The following TMTC1 variants were observed in gnomAD, a reference collection of about 807,000 sequenced individuals.
TMTC1 encodes the protein protein O-mannosyl-transferase TMTC1.
TMTC1 carries 73 observed loss-of-function variants against 104.8 expected under a neutral mutation model. The ratio of observed to expected loss-of-function variants is 0.70; its 90% CI spans 0.58 to 0.85. The LOEUF is 0.85. Among genes scored for constraint, TMTC1 ranks in the 40% least tolerant of loss-of-function variants. The pLI is 0.00. For missense variants in TMTC1, 1,035 were observed against 1,096.1 expected, an observed-to-expected ratio of 0.94 and a Z score of 0.79; for synonymous variants, 434 against 428.7, an observed-to-expected ratio of 1.01 and a Z score of -0.15.
rs1471030036 is a variant in TMTC1, at chr12:29,643,839, TTATATATTTA to T, written c.939-10513_939-10504del. Among the ~76,000 whole-genome samples, 637 of 76,626 alleles carry T rather than the reference TTATATATTTA, an allele frequency of 8.3e-3. 37 individuals carry two copies. The highest frequency in any genetic ancestry group is 0.024 in the African/African-American group (478 of 19,728). 50.3% of individuals were successfully genotyped at this position (76,626 alleles called of 152,430 possible). On this transcript the variant is annotated intron_variant, in intron 5 of 17. Transcript: ENST00000539277. ...TATATATTTATATATTTATATATAT[TTATATATTTA>T]TATATATTTATATATATTTTTATAT... is the stretch of plus-strand genomic sequence containing the variant.
At chr12:29,543,949 T>A in intron 10 of TMTC1, among the ~76,000 whole-genome samples, 1 of 152,056 alleles carries the variant, frequency 6.6e-6, no homozygotes. Context: ...AAAAGAATTT[T>A]AAAAAATATT....
chr12:29,553,469 C>T (rs1374202510), intron 10 of TMTC1, among the ~76,000 whole-genome samples: 3 of 152,062 alleles, frequency 2.0e-5, no homozygotes, highest in African/African-American at 7.2e-5. Context: ...GTGTAACAGG[C>T]AAGAGGAGGT....
intron 5 of TMTC1, among the ~76,000 whole-genome samples, chr12:29,659,191 T>C (rs190577261): frequency 2.0e-5 from 3 of 152,358 alleles, no homozygotes; most frequent in East Asian, 1.9e-4. Flanking sequence ...ACATTCACCA[T>C]ATGTATCAAT....
In TMTC1 at chr12:29,506,654, T is replaced by C. The variant is rs1943699829; in HGVS notation, c.*192A>G. The C allele has an allele frequency of 3.2e-6, 2 of 619,888 alleles. No individual in the cohort carries two copies. The highest frequency in any genetic ancestry group is 4.2e-5 in the South Asian group (2 of 47,678). 38.4% of individuals were successfully genotyped at this position (619,888 alleles called of 1,614,324 possible). ...AGACCTTCTTGCCCTTGTTTGCTGT[T>C]TTCGTCTTCTTCATGGAAAAGCAAG... is the stretch of plus-strand genomic sequence containing the variant. On this transcript the variant is annotated 3_prime_UTR_variant, in exon 18 of 18. Transcript: ENST00000539277.
chr12:29,737,577 G>T (rs902787729), intron 5 of TMTC1, among the ~76,000 whole-genome samples: 1 of 152,100 alleles, frequency 6.6e-6, no homozygotes, highest in South Asian at 2.1e-4. Flanking sequence ...AGGGAAAAGG[G>T]GAAACAGATT....
intron 6 of TMTC1, among the ~76,000 whole-genome samples, chr12:29,621,158 G>A (rs76135630): frequency 0.049 from 7,473 of 152,254 alleles, 642 homozygotes; most frequent in African/African-American, 0.17. Context: ...AGAAAAATCC[G>A]TGTTGGCATA....
intron 12 of TMTC1, among the ~76,000 whole-genome samples, chr12:29,520,032 T>G (rs1944103552): frequency 6.6e-6 from 1 of 152,220 alleles, no homozygotes; most frequent in Non-Finnish European, 1.5e-5. Flanking sequence ...TTACATTGCA[T>G]GCCAACAGTA....
At chr12:29,580,575 A>T (rs1297272559) in intron 8 of TMTC1, among the ~76,000 whole-genome samples, 1 of 152,178 alleles carries the variant, frequency 6.6e-6, no homozygotes, top group African/African-American at 2.4e-5. Flanking sequence ...TATATGTTTT[A>T]GGAATGGTCT....
chr12:29,783,456 G>A lies in TMTC1; in HGVS notation c.296C>T (p.Thr99Ile). 7.5e-7 allele frequency: 1 copy of A among 1,326,804 alleles called. No individual in the cohort carries two copies. The allele number at this position is 1,326,804 out of a possible 1,614,324, so 82.2% of individuals were successfully genotyped here. ...HKSYRPLCVL[T>I]FKLNIFLTGM... ...CGCGAGGTGAGGGACTCACTTGAAGGTGAGGACGCAGAGCGGCCGGTAGGA... is the reference window on the plus strand; with the variant it reads ...CGCGAGGTGAGGGACTCACTTGAAGATGAGGACGCAGAGCGGCCGGTAGGA... The change falls in exon 1 of 18, where the codon ACC (threonine) becomes ATC (isoleucine). Residue 99 changes from threonine to isoleucine, a missense_variant. Coordinates refer to ENST00000539277, the MANE Select transcript of TMTC1 (RefSeq NM_001193451.2). The surrounding 1 kb of genome is among the most constrained non-coding windows in gnomAD (Gnocchi z 4.7).
At chr12:29,729,434 A>C (rs1329568654) in intron 5 of TMTC1, among the ~76,000 whole-genome samples, 1 of 152,044 alleles carries the variant, frequency 6.6e-6, no homozygotes, top group Non-Finnish European at 1.5e-5. Flanking sequence ...AGTTTCATGC[A>C]CGAGGGGGAA....
At chr12:29,611,726 G>A (rs1294910961) in intron 6 of TMTC1, among the ~76,000 whole-genome samples, 1 of 152,122 alleles carries the variant, frequency 6.6e-6, no homozygotes, top group African/African-American at 2.4e-5. Context: ...AAGAGATGGG[G>A]GAGAGCTGTA....
chr12:29,713,578 A>G (rs2136851356), intron 5 of TMTC1, among the ~76,000 whole-genome samples: 1 of 152,204 alleles, frequency 6.6e-6, no homozygotes, highest in African/African-American at 2.4e-5. Context: ...TGCTACTATC[A>G]CATATCACCA....
intron 5 of TMTC1, among the ~76,000 whole-genome samples, chr12:29,723,338 A>C (rs1190957453): frequency 6.6e-6 from 1 of 152,234 alleles, no homozygotes; most frequent in Non-Finnish European, 1.5e-5. Flanking sequence ...AAAGACCTAC[A>C]AAGCAGTTAT....
At chr12:29,626,594 A>G (rs1392921723) in intron 6 of TMTC1, among the ~76,000 whole-genome samples, 1 of 152,226 alleles carries the variant, frequency 6.6e-6, no homozygotes, top group Non-Finnish European at 1.5e-5. Context: ...AAGCACATGC[A>G]AAAGAATGAA....
chr12:29,704,890 T>C (rs537277043), intron 5 of TMTC1, among the ~76,000 whole-genome samples: 1 of 152,324 alleles, frequency 6.6e-6, no homozygotes, highest in South Asian at 2.1e-4. Context: ...AGACATCTTT[T>C]GATTGCAGCA....
intron 6 of TMTC1, among the ~76,000 whole-genome samples, chr12:29,617,564 G>T (rs947732006): frequency 7.3e-5 from 11 of 151,256 alleles, no homozygotes; most frequent in African/African-American, 2.7e-4. Flanking sequence ...GAGAGAGAGA[G>T]AGAGATAAAA....
chr12:29,535,376 G>A (rs1944614411), intron 11 of TMTC1: 1 of 152,166 alleles, frequency 6.6e-6, no homozygotes, highest in Admixed American at 6.6e-5. Context: ...TATATTCTTT[G>A]TCACTTAAAT....
At chr12:29,767,394 G>C (rs377422501) in intron 2 of TMTC1, among the ~76,000 whole-genome samples, 2 of 152,258 alleles carry the variant, frequency 1.3e-5, no homozygotes, top group East Asian at 3.9e-4. Flanking sequence ...TTCTTCCCCA[G>C]CACTTACAGT....
intron 6 of TMTC1, among the ~76,000 whole-genome samples, chr12:29,619,667 C>T (rs1269886019): frequency 6.6e-6 from 1 of 152,162 alleles, no homozygotes; most frequent in Admixed American, 6.5e-5. Flanking sequence ...CCACTAAAGC[C>T]ATCCATAATC....
Sources: allele counts gnomAD v4.1 joint callset (sites outside exome capture counted in the v4.1 genomes callset), GRCh38; gene constraint gnomAD v4.1.1; non-coding constraint Gnocchi (gnomAD v3.1); transcripts MANE v1.5; gene names NCBI Gene and HGNC (gene_info 2026-07-23, HGNC 2026-07-21).